MED12L: variants seen among roughly 807,000 people sequenced by gnomAD.
MED12L encodes mediator of RNA polymerase II transcription subunit 12-like protein.
A neutral mutation model predicts 281.3 loss-of-function variants in MED12L; 60 were observed. The observed-to-expected ratio is 0.21, with a 90% confidence interval of 0.17 to 0.26. The LOEUF is 0.26. Among genes scored for constraint, MED12L ranks in the 10% least tolerant of loss-of-function variants. The probability of loss-of-function intolerance (pLI) is 1.00; values close to 1 mark genes in which losing one functional copy is unlikely to be tolerated. For missense variants in MED12L, 2,146 were observed against 2,680.9 expected, an observed-to-expected ratio of 0.80 and a Z score of 4.41; for synonymous variants, 974 against 987.2, an observed-to-expected ratio of 0.99 and a Z score of 0.25.
chr3:151,116,864 A>G (rs570267825), intron 3 of MED12L, among the ~76,000 whole-genome samples: 6 of 152,254 alleles, frequency 3.9e-5, no homozygotes, highest in South Asian at 4.1e-4. Flanking sequence ...AGTTTGCCCT[A>G]CTATTGGCTA....
At chr3:151,096,066 T>A (rs960537190) in intron 2 of MED12L, among the ~76,000 whole-genome samples, 1 of 152,222 alleles carries the variant, frequency 6.6e-6, no homozygotes, top group Non-Finnish European at 1.5e-5. Flanking sequence ...GTTTTCTATC[T>A]TTGGAAAGGT....
chr3:151,380,024 C>A, intron 31 of MED12L, 89 bp from the exon 32 acceptor site: 1 of 784,998 alleles, frequency 1.3e-6, no homozygotes, highest in Non-Finnish European at 2.0e-6. Context: ...TCTTATTTAT[C>A]TAATAGTGAG....
intron 27 of MED12L, among the ~76,000 whole-genome samples, chr3:151,373,024 C>T (rs559271032): frequency 3.9e-5 from 6 of 152,068 alleles, no homozygotes; most frequent in Admixed American, 1.3e-4. Flanking sequence ...GGTGCATATA[C>T]CTATTTTTTC....
chr3:151,101,742 T>C (rs1721420827), intron 2 of MED12L, among the ~76,000 whole-genome samples: 1 of 152,084 alleles, frequency 6.6e-6, no homozygotes, highest in Non-Finnish European at 1.5e-5. Flanking sequence ...GTGGTTTTGC[T>C]GTTAGATTTA....
chr3:151,357,842 C>T (rs192925980), intron 20 of MED12L, among the ~76,000 whole-genome samples: 6 of 152,238 alleles, frequency 3.9e-5, no homozygotes, highest in South Asian at 2.1e-4. Flanking sequence ...TAACCTAGAA[C>T]AAATTACTTC....
At chr3:151,198,063 A>G (rs1021483723) in intron 16 of MED12L, 1 of 157,310 alleles carries the variant, frequency 6.4e-6, no homozygotes, top group Non-Finnish European at 1.4e-5. Flanking sequence ...CATGGAAATT[A>G]TTTTTTATAT....
intron 25 of MED12L, among the ~76,000 whole-genome samples, chr3:151,368,661 TTTCATTTCATTTCATGTC>T: frequency 9.0e-5 from 6 of 66,578 alleles, no homozygotes; most frequent in African/African-American, 3.1e-4. Context: ...TTTCATTTCA[TTTCATTTCATTTCATGTC>T]ATTTCATTTT....
At chr3:151,126,045 C>G (rs1374057230) in intron 4 of MED12L, among the ~76,000 whole-genome samples, 3 of 142,050 alleles carry the variant, frequency 2.1e-5, no homozygotes, top group Non-Finnish European at 4.5e-5. Context: ...TATACTGCAT[C>G]CTCTTTTTTT....
intron 2 of MED12L, among the ~76,000 whole-genome samples, chr3:151,115,983 GA>G (rs1392016328): frequency 6.8e-6 from 1 of 146,010 alleles, no homozygotes; most frequent in Admixed American, 7.2e-5. Context: ...AGAATGGCTT[GA>G]ACCCGAGAGG....
At chr3:151,306,521 G>A (rs912766082) in intron 16 of MED12L, among the ~76,000 whole-genome samples, 1 of 152,210 alleles carries the variant, frequency 6.6e-6, no homozygotes, top group African/African-American at 2.4e-5. Context: ...CCAAACATTT[G>A]CTCTCTCCCC....
At chr3:151,203,168 T>G (rs1194043233) in intron 16 of MED12L, 2 of 152,198 alleles carry the variant, frequency 1.3e-5, no homozygotes, top group Non-Finnish European at 2.9e-5. Flanking sequence ...CATGAGCTGT[T>G]TGGTTAGCCG....
intron 16 of MED12L, among the ~76,000 whole-genome samples, chr3:151,208,431 T>G (rs1422924487): frequency 6.6e-6 from 1 of 152,174 alleles, no homozygotes; most frequent in African/African-American, 2.4e-5. Context: ...GCCTGTCATC[T>G]CAGCACTTTG....
At chr3:151,169,365 C>T (rs923087707) in intron 11 of MED12L, among the ~76,000 whole-genome samples, 4 of 152,116 alleles carry the variant, frequency 2.6e-5, no homozygotes, top group Non-Finnish European at 4.4e-5. Flanking sequence ...AAGTGATCCA[C>T]CCGCCTTGGC....
rs984668177 is a variant in MED12L at position 151,337,859 on chromosome 3, T to C, written c.2251-12200T>C. On this transcript the variant is annotated intron_variant, in intron 16 of 44. Transcript: ENST00000687756. ...CATTTGGGTCACCACCATCCTGTTCTTTTTTCCTATTGTCCTGGGACAGAG... is the reference window on the plus strand; with the variant it reads ...CATTTGGGTCACCACCATCCTGTTCCTTTTTCCTATTGTCCTGGGACAGAG... The C allele has an allele frequency of 3.7e-6, 6 of 1,614,130 alleles. No homozygotes were observed. The East Asian group carries it at 1.3e-4, about 36-fold the overall frequency.
chr3:151,284,389 T>C (rs1343278840), intron 16 of MED12L, among the ~76,000 whole-genome samples: 1 of 152,182 alleles, frequency 6.6e-6, no homozygotes, highest in Non-Finnish European at 1.5e-5. Context: ...TTTTTAGTTC[T>C]GGGTTGTGGG....
At chr3:151,311,201 T>G (rs550937204) in intron 16 of MED12L, among the ~76,000 whole-genome samples, 2 of 152,252 alleles carry the variant, frequency 1.3e-5, no homozygotes, top group East Asian at 1.9e-4. Flanking sequence ...TGTGAAGGAT[T>G]GAGTACATTT....
At chr3:151,314,802 C>T (rs1021612873) in intron 16 of MED12L, among the ~76,000 whole-genome samples, 1 of 152,142 alleles carries the variant, frequency 6.6e-6, no homozygotes, top group Non-Finnish European at 1.5e-5. Flanking sequence ...ATGCAAGGGG[C>T]CTCTAATGAC....
chr3:151,088,592 A>G (rs746061305), intron 2 of MED12L, among the ~76,000 whole-genome samples: 27 of 152,122 alleles, frequency 1.8e-4, no homozygotes, highest in Non-Finnish European at 2.9e-4. Flanking sequence ...GTGTGGGCTT[A>G]TTTAGCATTT....
chr3:151,425,163 G>A (rs549352462), intron 43 of MED12L, among the ~76,000 whole-genome samples: 1 of 152,152 alleles, frequency 6.6e-6, no homozygotes, highest in Non-Finnish European at 1.5e-5. Context: ...TCTGAGCATC[G>A]GTAGGTCCAT....
Sources: allele counts gnomAD v4.1 joint callset (sites outside exome capture counted in the v4.1 genomes callset), GRCh38; gene constraint gnomAD v4.1.1; transcripts MANE v1.5; gene names NCBI Gene and HGNC (gene_info 2026-07-23, HGNC 2026-07-21).